The following DLG2 variants were observed in gnomAD, a reference collection of about 807,000 sequenced individuals.
The protein encoded by DLG2 is discs large MAGUK scaffold protein 2.
DLG2 carries 45 observed loss-of-function variants against 132.5 expected under a neutral mutation model. The ratio of observed to expected loss-of-function variants is 0.34; its 90% confidence interval spans 0.27 to 0.44. DLG2 has a LOEUF of 0.44. Ranked by LOEUF, DLG2 falls within the 20% of genes least tolerant of loss-of-function variation. The probability of loss-of-function intolerance (pLI) is 1.00; values close to 1 mark genes in which losing one functional copy is unlikely to be tolerated. For missense variants in DLG2, 1,045 were observed against 1,196.9 expected (o/e 0.87, Z 1.87); for synonymous variants, 424 against 419.6 (o/e 1.01, Z -0.13).
At chr11:83,553,069 T>C (rs144497760) in intron 19 of DLG2, among the ~76,000 whole-genome samples, 89 of 152,254 alleles carry the variant, frequency 5.8e-4, no homozygotes, top group African/African-American at 2.1e-3. Flanking sequence ...GTCTTACTTA[T>C]CTCTGTGCCC....
intron 7 of DLG2, among the ~76,000 whole-genome samples, chr11:84,327,112 CTTTTTTTTTTT>C: frequency 8.4e-6 from 1 of 119,026 alleles, no homozygotes; most frequent in African/African-American, 3.2e-5. Flanking sequence ...TAATGAGAAT[CTTTTTTTTTTT>C]TTTTTTTTTT....
intron 17 of DLG2, among the ~76,000 whole-genome samples, chr11:83,818,882 C>G (rs1434769318): frequency 6.6e-6 from 1 of 152,154 alleles, no homozygotes; most frequent in Non-Finnish European, 1.5e-5. Flanking sequence ...GCATAAGAGA[C>G]TGCCCAAAGG....
intron 19 of DLG2, among the ~76,000 whole-genome samples, chr11:83,607,281 C>T (rs992852725): frequency 2.6e-5 from 4 of 152,192 alleles, no homozygotes; most frequent in Admixed American, 6.5e-5. Context: ...ACAGAGAAAC[C>T]TTTAGGCCAA....
At chr11:84,619,099 G>A (rs2154540585) in intron 6 of DLG2, among the ~76,000 whole-genome samples, 1 of 151,480 alleles carries the variant, frequency 6.6e-6, no homozygotes, top group African/African-American at 2.4e-5. Flanking sequence ...ATTTTTCTTA[G>A]GCAAACAAAA....
At chr11:85,149,677 A>G (rs2077096836) in intron 5 of DLG2, among the ~76,000 whole-genome samples, 2 of 152,226 alleles carry the variant, frequency 1.3e-5, no homozygotes, top group South Asian at 4.1e-4. Flanking sequence ...TTAATATAAT[A>G]TCATTTCTGT....
intron 6 of DLG2, among the ~76,000 whole-genome samples, chr11:84,541,030 G>T (rs146824989): frequency 6.6e-6 from 1 of 151,934 alleles, no homozygotes; most frequent in African/African-American, 2.4e-5. Flanking sequence ...ATCACACACC[G>T]GGACCTGTCA....
chr11:85,159,873 C>T (rs1386913165), intron 4 of DLG2, among the ~76,000 whole-genome samples: 2 of 152,144 alleles, frequency 1.3e-5, no homozygotes, highest in East Asian at 3.9e-4. Flanking sequence ...CTTTTTGCTT[C>T]CACAAGATAC....
At chr11:84,820,244 G>A (rs183719159) in intron 6 of DLG2, among the ~76,000 whole-genome samples, 2 of 151,740 alleles carry the variant, frequency 1.3e-5, no homozygotes, top group East Asian at 3.9e-4. Context: ...TAATATAAAG[G>A]CATGGAGCAA....
chr11:83,759,004 T>C (rs1410920385), intron 18 of DLG2, among the ~76,000 whole-genome samples: 1 of 152,172 alleles, frequency 6.6e-6, no homozygotes. Flanking sequence ...GATTGAGTGG[T>C]TAATTGATGG....
intron 3 of DLG2, chr11:85,469,726 T>A (rs985788876): frequency 9.9e-5 from 15 of 152,276 alleles, no homozygotes; most frequent in African/African-American, 3.6e-4. Context: ...CAGCATCCTG[T>A]CAGAATTGAT....
At chr11:84,595,353 T>C (rs1371035152) in intron 6 of DLG2, among the ~76,000 whole-genome samples, 2 of 152,064 alleles carry the variant, frequency 1.3e-5, no homozygotes. Flanking sequence ...GCTCAAGTGA[T>C]CCACCCACCT....
chr11:84,146,122 A>G (rs140638616), intron 9 of DLG2, among the ~76,000 whole-genome samples: 46 of 152,258 alleles, frequency 3.0e-4, no homozygotes, highest in South Asian at 2.7e-3. Flanking sequence ...TTGCCACTTT[A>G]AGAAAAATTG....
chr11:83,694,627 C>T lies in DLG2; in HGVS notation c.1826-61302G>A, dbSNP rs982854802. Among the ~76,000 whole-genome samples the T allele has an allele frequency of 4.0e-4, 61 of 152,314 alleles. 1 individual carries two copies. The highest frequency in any genetic ancestry group is 2.7e-3 in the Admixed American group (41 of 15,300). Reference sequence around the variant, plus strand: ...CTGTTCCTTTCTTCCTTCAACCTCACGGTCCCATTGTTTCTCTTATTTCTT... The same window carrying T: ...CTGTTCCTTTCTTCCTTCAACCTCATGGTCCCATTGTTTCTCTTATTTCTT... On this transcript the variant is annotated intron_variant, in intron 18 of 27. Transcript: ENST00000376104.
intron 14 of DLG2, among the ~76,000 whole-genome samples, chr11:83,949,887 C>T (rs1475869204): frequency 6.6e-6 from 1 of 152,046 alleles, no homozygotes; most frequent in Non-Finnish European, 1.5e-5. Context: ...ATGGGTAGGG[C>T]CTTCAATAAT....
At chr11:83,870,230 C>T (rs544493435) in intron 16 of DLG2, among the ~76,000 whole-genome samples, 3 of 152,296 alleles carry the variant, frequency 2.0e-5, no homozygotes, top group South Asian at 2.1e-4. Context: ...TATCCATCAA[C>T]AGAATAATGT....
intron 8 of DLG2, among the ~76,000 whole-genome samples, chr11:84,197,979 T>C (rs2154296645): frequency 1.3e-5 from 2 of 152,288 alleles, no homozygotes; most frequent in East Asian, 3.9e-4. Context: ...TTAAAAAGTA[T>C]TTTTTTAAAT....
Position 83,838,521 on chromosome 11 carries a change from C to G in DLG2, c.1566-4751G>C, listed in dbSNP as rs73519198. Among the ~76,000 whole-genome samples, 157 of 152,160 alleles carry G rather than the reference C, an allele frequency of 1.0e-3. 1 individual carries two copies. Among genetic ancestry groups the G allele is most frequent in the African/African-American group, 3.7e-3 (154 of 41,526 alleles). On this transcript the variant is annotated intron_variant, in intron 16 of 27. Coordinates refer to ENST00000376104, the MANE Select transcript of DLG2 (RefSeq NM_001142699.3). ...CAAAAGTCTAGAATACGGTATATAC[C>G]AGAGATTGCAAACCAGCAAGTCAAA...
At chr11:83,817,234 C>T (rs551753027) in intron 17 of DLG2, among the ~76,000 whole-genome samples, 4 of 152,128 alleles carry the variant, frequency 2.6e-5, no homozygotes, top group Admixed American at 2.6e-4. Context: ...AAGAGGGGTA[C>T]CTAACTTGGA....
chr11:84,918,969 A>G (rs1348232012), intron 6 of DLG2, among the ~76,000 whole-genome samples: 1 of 152,182 alleles, frequency 6.6e-6, no homozygotes, highest in African/African-American at 2.4e-5. Flanking sequence ...GGTGAACAAA[A>G]CAACTAGAAC....
Sources: gnomAD v4.1 joint callset for allele counts (sites outside exome capture counted in the v4.1 genomes callset) on GRCh38, gnomAD v4.1.1 for gene constraint, MANE v1.5 for transcripts, NCBI Gene and HGNC (gene_info 2026-07-23, HGNC 2026-07-21) for gene names.